Variants in PPARGC1A observed in about 807,000 individuals in gnomAD.
PPARGC1A encodes peroxisome proliferator-activated receptor gamma coactivator 1-alpha.
In PPARGC1A, 25 loss-of-function variants were observed where a neutral mutation model predicts 88.7. The ratio of observed to expected loss-of-function variants is 0.28; its 90% CI spans 0.21 to 0.39. The LOEUF is 0.39. PPARGC1A is among the 10% of genes least tolerant of loss of function. The probability of loss-of-function intolerance (pLI) is 1.00; values close to 1 mark genes in which losing one functional copy is unlikely to be tolerated. For missense variants in PPARGC1A, 880 were observed against 968.7 expected (o/e 0.91, Z 1.22); for synonymous variants, 363 against 355.6 (o/e 1.02, Z -0.24).
chr4:23,953,150 C>G, the PPARGC1A span, among the ~76,000 whole-genome samples: 26 of 152,032 alleles, frequency 1.7e-4, no homozygotes, highest in Non-Finnish European at 3.1e-4. Context: ...ACACCATATT[C>G]TATCATGAGC....
chr4:24,147,392 T>A, the PPARGC1A span, among the ~76,000 whole-genome samples: 1 of 152,218 alleles, frequency 6.6e-6, no homozygotes, highest in Admixed American at 6.5e-5. Context: ...GCCCTCTGGT[T>A]ACAGGCTACA....
chr4:24,134,492 A>C, the PPARGC1A span, among the ~76,000 whole-genome samples: 1 of 152,392 alleles, frequency 6.6e-6, no homozygotes, highest in African/African-American at 2.4e-5. Flanking sequence ...AATGCCATTG[A>C]ATCAGCAATT....
chr4:24,069,987 C>A, the PPARGC1A span, among the ~76,000 whole-genome samples: 16 of 152,284 alleles, frequency 1.1e-4, no homozygotes, highest in Admixed American at 9.2e-4. Flanking sequence ...TATAGTTCTA[C>A]CACTTTCTAC....
At chr4:24,357,616 T>A in the PPARGC1A span, among the ~76,000 whole-genome samples, 2,831 of 152,328 alleles carry the variant, frequency 0.019, 41 homozygotes, top group Middle Eastern at 0.058. Flanking sequence ...ATGGTTTTGC[T>A]GTGTCCCCAC....
chr4:24,005,546 G>T, the PPARGC1A span, among the ~76,000 whole-genome samples: 1 of 152,088 alleles, frequency 6.6e-6, no homozygotes, highest in African/African-American at 2.4e-5. Flanking sequence ...ATACTTCTCT[G>T]GCTCCAAGAT....
chr4:24,160,852 G>T, the PPARGC1A span, among the ~76,000 whole-genome samples: 19 of 152,120 alleles, frequency 1.2e-4, no homozygotes, highest in Non-Finnish European at 1.6e-4. Flanking sequence ...GGGTAAAGTT[G>T]GGACCTACTG....
At chr4:24,090,643 C>A in the PPARGC1A span, among the ~76,000 whole-genome samples, 1 of 152,118 alleles carries the variant, frequency 6.6e-6, no homozygotes, top group African/African-American at 2.4e-5. Context: ...TTTTTCCATA[C>A]GCCAGCAGCA....
At chr4:23,949,202 A>G in the PPARGC1A span, among the ~76,000 whole-genome samples, 60 of 152,294 alleles carry the variant, frequency 3.9e-4, 1 homozygote, top group African/African-American at 1.3e-3. Context: ...TGTACTACAT[A>G]CATAGATGAA....
chr4:23,826,038 T>C (rs1045199038), intron 5 of PPARGC1A, among the ~76,000 whole-genome samples: 1 of 152,168 alleles, frequency 6.6e-6, no homozygotes, highest in African/African-American at 2.4e-5. Context: ...AATCAGTCAC[T>C]GAAATTCTGG....
At chr4:24,065,942 C>T in the PPARGC1A span, among the ~76,000 whole-genome samples, 1 of 152,184 alleles carries the variant, frequency 6.6e-6, no homozygotes, top group African/African-American at 2.4e-5. Context: ...TTCTCAGAAG[C>T]TCCGGCAGGC....
chr4:24,091,714 T>C, the PPARGC1A span: 1 of 863,170 alleles, frequency 1.2e-6, no homozygotes, highest in African/African-American at 1.8e-5. Flanking sequence ...TTGGGACACA[T>C]GGGGCTACCC....
At chr4:23,899,062 G>A (rs1205792847) in intron 1 of PPARGC1A, among the ~76,000 whole-genome samples, 2 of 96,352 alleles carry the variant, frequency 2.1e-5, no homozygotes, top group South Asian at 3.5e-4. Flanking sequence ...GGCTGGTCTC[G>A]AACTCCAGAC....
the PPARGC1A span, among the ~76,000 whole-genome samples, chr4:24,084,357 T>A: frequency 6.6e-6 from 1 of 152,226 alleles, no homozygotes; most frequent in African/African-American, 2.4e-5. Context: ...TTTAGGTTGC[T>A]TAGCCTTGAG....
the PPARGC1A span, among the ~76,000 whole-genome samples, chr4:24,065,514 TA>T: frequency 6.6e-6 from 1 of 152,168 alleles, no homozygotes; most frequent in South Asian, 2.1e-4. Flanking sequence ...GTGCTTTTCA[TA>T]GAATTCATAC....
the PPARGC1A span, among the ~76,000 whole-genome samples, chr4:24,084,334 T>C: frequency 6.6e-6 from 1 of 152,304 alleles, no homozygotes; most frequent in Non-Finnish European, 1.5e-5. Flanking sequence ...AAATGAAGAA[T>C]TATACCTATG....
the PPARGC1A span, among the ~76,000 whole-genome samples, chr4:24,405,273 T>G: frequency 2.6e-5 from 4 of 152,120 alleles, no homozygotes; most frequent in African/African-American, 9.7e-5. Flanking sequence ...CTAAGTTGTA[T>G]GAAAAGGTGG....
the PPARGC1A span, among the ~76,000 whole-genome samples, chr4:23,924,938 GC>G: frequency 7.0e-4 from 106 of 152,304 alleles, no homozygotes; most frequent in African/African-American, 2.4e-3. Context: ...GATTCATGGT[GC>G]ATAAGATCAG....
intron 2 of PPARGC1A, among the ~76,000 whole-genome samples, chr4:23,864,939 T>G (rs1318106139): frequency 6.6e-6 from 1 of 152,122 alleles, no homozygotes; most frequent in African/African-American, 2.4e-5. Context: ...ACCCTAGCAC[T>G]TTGGGAGGCC....
At chr4:24,441,989 A>G in the PPARGC1A span, among the ~76,000 whole-genome samples, 5 of 152,264 alleles carry the variant, frequency 3.3e-5, no homozygotes, top group African/African-American at 1.2e-4. Context: ...GCATTTTTCA[A>G]CGTATCAGTT....
Sources: gnomAD v4.1 joint callset for allele counts (sites outside exome capture counted in the v4.1 genomes callset) on GRCh38, gnomAD v4.1.1 for gene constraint, MANE v1.5 for transcripts, NCBI Gene and HGNC (gene_info 2026-07-23, HGNC 2026-07-21) for gene names.